The following PPARGC1A variants were observed in gnomAD, a reference collection of about 807,000 sequenced individuals.
The protein encoded by PPARGC1A is PPARG coactivator 1 alpha.
Under a neutral mutation model 88.7 loss-of-function variants are expected in PPARGC1A, and 25 were observed. The ratio of observed to expected loss-of-function variants is 0.28; its 90% confidence interval spans 0.21 to 0.39. PPARGC1A has a LOEUF of 0.39. Among genes scored for constraint, PPARGC1A ranks in the 10% least tolerant of loss-of-function variants. PPARGC1A has a pLI of 1.00. For synonymous variants in PPARGC1A, 363 were observed against 355.6 expected (o/e 1.02, Z -0.24); for missense variants, 880 against 968.7 (o/e 0.91, Z 1.22).
chr4:24,174,329 C>A, the PPARGC1A span, among the ~76,000 whole-genome samples: 1 of 152,180 alleles, frequency 6.6e-6, no homozygotes, highest in Non-Finnish European at 1.5e-5. Flanking sequence ...TTATTAAACG[C>A]CCAGAGATTT....
chr4:24,095,897 G>A, the PPARGC1A span, among the ~76,000 whole-genome samples: 5 of 152,120 alleles, frequency 3.3e-5, no homozygotes, highest in East Asian at 1.9e-4. Flanking sequence ...AAGCCCTCAC[G>A]GCAGCCTCAT....
the PPARGC1A span, among the ~76,000 whole-genome samples, chr4:24,047,558 A>C: frequency 6.6e-6 from 1 of 152,238 alleles, no homozygotes; most frequent in South Asian, 2.1e-4. Context: ...AGAGAGGTTA[A>C]GTTCCTTGCC....
the PPARGC1A span, among the ~76,000 whole-genome samples, chr4:23,928,932 A>C: frequency 6.6e-6 from 1 of 152,088 alleles, no homozygotes; most frequent in African/African-American, 2.4e-5. Flanking sequence ...CAATGAGAAC[A>C]CATGGACACA....
At chr4:23,894,690 CT>C (rs1329561228), upstream of PPARGC1A, among the ~76,000 whole-genome samples, 1 of 152,060 alleles carries the variant, frequency 6.6e-6, no homozygotes, top group East Asian at 1.9e-4. Context: ...TCAAAATGTG[CT>C]TTTGGTGTTT....
At chr4:24,030,658 A>T in the PPARGC1A span, among the ~76,000 whole-genome samples, 2 of 152,160 alleles carry the variant, frequency 1.3e-5, no homozygotes, top group African/African-American at 4.8e-5. Flanking sequence ...AAATGCCCTC[A>T]ACTCTCATCA....
At chr4:24,270,329 C>G in the PPARGC1A span, among the ~76,000 whole-genome samples, 60,002 of 130,636 alleles carry the variant, frequency 0.46, 12,774 homozygotes, top group East Asian at 0.62. Context: ...CTCTCTCTCT[C>G]TCTCTGTGTG....
chr4:24,174,286 C>A, the PPARGC1A span, among the ~76,000 whole-genome samples: 1 of 152,196 alleles, frequency 6.6e-6, no homozygotes, highest in African/African-American at 2.4e-5. Flanking sequence ...CTGTGTTCCA[C>A]CTTAACCTGA....
the PPARGC1A span, among the ~76,000 whole-genome samples, chr4:24,260,436 TCA>T: frequency 6.6e-6 from 1 of 152,212 alleles, no homozygotes; most frequent in African/African-American, 2.4e-5. Flanking sequence ...TTAATAAAAC[TCA>T]CACCTTCGCC....
the PPARGC1A span, among the ~76,000 whole-genome samples, chr4:24,467,138 G>A: frequency 6.6e-6 from 1 of 150,862 alleles, no homozygotes; most frequent in Non-Finnish European, 1.5e-5. Flanking sequence ...AAGGAAGGAA[G>A]GAAAGAAAAG....
the PPARGC1A span, among the ~76,000 whole-genome samples, chr4:24,358,387 T>C: frequency 1.3e-5 from 2 of 152,230 alleles, no homozygotes; most frequent in Non-Finnish European, 2.9e-5. Context: ...GATAAGTAAC[T>C]TGTGAAGGGC....
chr4:23,868,959 C>G (rs1712666692), intron 2 of PPARGC1A, among the ~76,000 whole-genome samples: 1 of 152,210 alleles, frequency 6.6e-6, no homozygotes, highest in African/African-American at 2.4e-5. Context: ...TGCTTCTGCA[C>G]TTAATTTGCA....
the PPARGC1A span, among the ~76,000 whole-genome samples, chr4:24,056,494 G>A: frequency 2.6e-5 from 4 of 152,112 alleles, no homozygotes; most frequent in Non-Finnish European, 5.9e-5. Flanking sequence ...GAAGGCATGT[G>A]GCAATTTTAG....
At chr4:24,175,628 T>G in the PPARGC1A span, among the ~76,000 whole-genome samples, 1 of 149,814 alleles carries the variant, frequency 6.7e-6, no homozygotes, top group Admixed American at 6.8e-5. Flanking sequence ...CCTCAGGTGA[T>G]CTGCCCGCCT....
At chr4:24,326,022 CCG>C in the PPARGC1A span, among the ~76,000 whole-genome samples, 6 of 151,416 alleles carry the variant, frequency 4.0e-5, no homozygotes, top group African/African-American at 1.5e-4. Context: ...TGGACTATAG[CCG>C]CTGATCTCAT....
At chr4:24,018,303 T>TC in the PPARGC1A span, among the ~76,000 whole-genome samples, 1 of 152,220 alleles carries the variant, frequency 6.6e-6, no homozygotes, top group Non-Finnish European at 1.5e-5. Context: ...TTTTCTTTTT[T>TC]CTTTTTTAAC....
the PPARGC1A span, among the ~76,000 whole-genome samples, chr4:24,329,203 GTTCAAGT>G: frequency 6.6e-6 from 1 of 151,778 alleles, no homozygotes; most frequent in South Asian, 2.1e-4. Flanking sequence ...TGATTTATTT[GTTCAAGT>G]GAAACCAGCC....
the PPARGC1A span, among the ~76,000 whole-genome samples, chr4:24,015,318 C>A: frequency 6.6e-6 from 1 of 152,040 alleles, no homozygotes; most frequent in Non-Finnish European, 1.5e-5. Flanking sequence ...TAAACGAGGT[C>A]TCTAAGTCTT....
At chr4:23,819,832 A>G (rs1722658645) in intron 7 of PPARGC1A, among the ~76,000 whole-genome samples, 1 of 152,148 alleles carries the variant, frequency 6.6e-6, no homozygotes, top group African/African-American at 2.4e-5. Context: ...AAGCACAGGA[A>G]TAGATTATGT....
chr4:23,893,179 GA>G (rs11351780), upstream of PPARGC1A, among the ~76,000 whole-genome samples: 117,685 of 149,578 alleles, frequency 0.79, 46,951 homozygotes, highest in African/African-American at 0.92. Context: ...CTAACAAAGA[GA>G]AAAAAAAAAA....
Sources: gnomAD v4.1 joint callset for allele counts (sites outside exome capture counted in the v4.1 genomes callset) on GRCh38, gnomAD v4.1.1 for gene constraint, MANE v1.5 for transcripts, NCBI Gene and HGNC (gene_info 2026-07-23, HGNC 2026-07-21) for gene names.